Variants in TRA2A observed in about 807,000 individuals in gnomAD.
The protein encoded by TRA2A is transformer-2 protein homolog alpha.
TRA2A carries 31 observed loss-of-function variants against 45.7 expected under a neutral mutation model. The observed-to-expected ratio is 0.68, with a 90% CI of 0.51 to 0.92. The LOEUF is 0.92. Among genes scored for constraint, TRA2A ranks in the 40% least tolerant of loss-of-function variants. The pLI is 0.00. For synonymous variants in TRA2A, 132 were observed against 126.2 expected (o/e 1.05, Z -0.31); for missense variants, 304 against 367.5 (o/e 0.83, Z 1.41).
chr7:23,511,977 T>A (rs898477812), intron 4 of TRA2A, among the ~76,000 whole-genome samples: 6 of 152,226 alleles, frequency 3.9e-5, no homozygotes, highest in African/African-American at 1.4e-4. Flanking sequence ...ATCAGAATTA[T>A]TTTTTAAAAG....
chr7:23,505,299 T>A lies in TRA2A; in HGVS notation c.*260A>T. 2.7e-6 allele frequency: 1 copy of A among 370,388 alleles called. No individual in the cohort carries two copies. The allele number at this position is 370,388 out of a possible 1,614,324, so 22.9% of individuals were successfully genotyped here. A position where few individuals can be genotyped will look rare whatever the true frequency, so the allele number is the denominator to read the frequency against. ...CTAGGTAAAAGCAAAAAAAAAAATT[T>A]ACAAAGCATAACATAACATTGGGGT... On this transcript the variant is annotated 3_prime_UTR_variant, in exon 8 of 8. Transcript: ENST00000297071.
At chr7:23,524,808 T>C (rs1168441336) in intron 1 of TRA2A, among the ~76,000 whole-genome samples, 1 of 151,702 alleles carries the variant, frequency 6.6e-6, no homozygotes, top group Non-Finnish European at 1.5e-5. Context: ...TCTCCTGCCT[T>C]AGCCTCCTGA....
Position 23,507,670 on chromosome 7 carries a change from G to A in TRA2A, c.526-135C>T, listed in dbSNP as rs1789406518. On this transcript the variant is annotated intron_variant, in intron 4 of 7. Coordinates refer to ENST00000297071, the MANE Select transcript of TRA2A (RefSeq NM_013293.5). ...AAATGACAGCAATGTAGCTTGTACA[G>A]GGCATTGTATAGACAATTCTAGACC... The A allele has an allele frequency of 9.0e-6, 6 of 664,812 alleles. No individual in the cohort carries two copies. In the East Asian group the frequency reaches 1.3e-4, roughly 14 times the overall value. 41.2% of individuals were successfully genotyped at this position (664,812 alleles called of 1,614,324 possible).
intron 4 of TRA2A, among the ~76,000 whole-genome samples, chr7:23,507,763 A>G (rs764434893): frequency 4.6e-5 from 7 of 152,292 alleles, no homozygotes; most frequent in Non-Finnish European, 7.3e-5. Flanking sequence ...TTCCCAAATA[A>G]TTTTCCAGTT....
intron 2 of TRA2A, 70 bp from the exon 3 acceptor site, chr7:23,516,598 G>T: frequency 7.2e-7 from 1 of 1,397,932 alleles, no homozygotes; most frequent in Non-Finnish European, 1.0e-6. Flanking sequence ...CTTCCAAGAA[G>T]GTATACATAT....
At chr7:23,515,223 C>CTTTTT (rs767953060) in intron 3 of TRA2A, among the ~76,000 whole-genome samples, 156 of 96,748 alleles carry the variant, frequency 1.6e-3, no homozygotes, top group Non-Finnish European at 1.8e-3. Flanking sequence ...GAACATATTT[C>CTTTTT]TTTTTTTTTT....
chr7:23,505,431 A>G lies in TRA2A; in HGVS notation c.*128T>C, dbSNP rs757972989. On this transcript the variant is annotated 3_prime_UTR_variant, in exon 8 of 8. Coordinates refer to ENST00000297071, the MANE Select transcript of TRA2A (RefSeq NM_013293.5). ...AGCAACACAACTGACAAAAGTGTAG[A>G]TGCTAAATAAACCAAAGTTTTTTTC... 2.1e-4 allele frequency: 110 copies of G among 530,080 alleles called. No homozygotes were observed. The highest frequency in any genetic ancestry group is 1.2e-4 in the Non-Finnish European group (36 of 296,110). The allele number at this position is 530,080 out of a possible 1,614,324, so 32.8% of individuals were successfully genotyped here.
At position 23,516,370 on chromosome 7, in the gene TRA2A, C is replaced by A; in HGVS notation, c.329G>T (p.Gly110Val). The A allele has an allele frequency of 6.2e-7, 1 of 1,614,176 alleles. No individual in the cohort carries two copies. Among genetic ancestry groups the A allele is most frequent in the Non-Finnish European group, 8.5e-7 (1 of 1,180,026 alleles). The change falls in exon 3 of 8, where the codon GGC becomes GTC. Residue 110 changes from glycine (G) to valine (V), a missense_variant. Gly to Val is a moderately radical substitution (Grantham distance 109). Around this residue, in one of 3 missense-constraint regions of TRA2A, gnomAD observed 130 missense variants for 217.1 expected, o/e 0.60. Coordinates refer to ENST00000297071, the MANE Select transcript of TRA2A (RefSeq NM_013293.5). ...CTTTTATAAACCACGTACCCTGCTGCCAGTATGTCTTCTCCGGTTAGACAT... is the reference window on the plus strand; with the variant it reads ...CTTTTATAAACCACGTACCCTGCTGACAGTATGTCTTCTCCGGTTAGACAT... ...SPMSNRRRHT[G>V]SRANPDPNTC...
Position 23,531,855 on chromosome 7 carries a change from G to T in TRA2A, c.-31C>A, listed in dbSNP as rs755685869. On this transcript the variant is annotated 5_prime_UTR_variant, in exon 1 of 8. Coordinates refer to ENST00000297071, the MANE Select transcript of TRA2A (RefSeq NM_013293.5). The stretch of plus-strand genomic sequence containing the variant: ...CGAGGCGCTCCCCAGAACTAAATAA[G>T]AGACAAGTCTCGGCTCGAGGGCCGA... 6.2e-7 allele frequency: 1 copy of T among 1,613,278 alleles called. No homozygotes were observed. The highest frequency in any genetic ancestry group is 8.5e-7 in the Non-Finnish European group (1 of 1,179,914).
intron 1 of TRA2A, among the ~76,000 whole-genome samples, chr7:23,528,759 C>A (rs1384745263): frequency 6.6e-6 from 1 of 151,772 alleles, no homozygotes; most frequent in Non-Finnish European, 1.5e-5. Context: ...CCTCTGCCTC[C>A]CGGGTTTAAG....
chr7:23,522,113 A>T, intron 1 of TRA2A: 1 of 1,282,738 alleles, frequency 7.8e-7, no homozygotes, highest in South Asian at 1.7e-5. Flanking sequence ...CTGGAACATA[A>T]ACCATACATT....
At chr7:23,511,401 A>AAAAAAAAAAG (rs1789608716) in intron 4 of TRA2A, among the ~76,000 whole-genome samples, 1 of 44,314 alleles carries the variant, frequency 2.3e-5, no homozygotes, top group Non-Finnish European at 4.8e-5. Context: ...AAAAAAAAAA[A>AAAAAAAAAAG]AAAAAAAAAG....
rs1790604668 is a variant in TRA2A at position 23,531,907 on chromosome 7, C to A, written c.-83G>T. Reference sequence around the variant, plus strand: ...GGCCTAATTAACCCGCTGACTGGACCGTGGGGAAGAGGAAAGAGTCGGCAA... The same window carrying A: ...GGCCTAATTAACCCGCTGACTGGACAGTGGGGAAGAGGAAAGAGTCGGCAA... On this transcript the variant is annotated 5_prime_UTR_variant, in exon 1 of 8. Transcript: ENST00000297071. The A allele has an allele frequency of 6.6e-7, 1 of 1,504,120 alleles. No homozygotes were observed. Among genetic ancestry groups the A allele is most frequent in the African/African-American group, 1.4e-5 (1 of 72,812 alleles). 93.2% of individuals were successfully genotyped at this position (1,504,120 alleles called of 1,614,324 possible). A position where few individuals can be genotyped will look rare whatever the true frequency, so the allele number is the denominator to read the frequency against.
chr7:23,516,607 A>G (rs2127995672), intron 2 of TRA2A, 79 bp from the exon 3 acceptor site: 4 of 1,303,034 alleles, frequency 3.1e-6, no homozygotes, highest in Non-Finnish European at 4.4e-6. Flanking sequence ...AGGTATACAT[A>G]TATCCCTAAC....
intron 2 of TRA2A, among the ~76,000 whole-genome samples, chr7:23,517,709 C>T (rs996969929): frequency 3.3e-5 from 5 of 150,812 alleles, no homozygotes; most frequent in African/African-American, 9.7e-5. Flanking sequence ...GTCAAGAGAT[C>T]GAGACCATCC....
intron 2 of TRA2A, among the ~76,000 whole-genome samples, chr7:23,520,712 AG>A (rs1284709974): frequency 1.3e-3 from 195 of 147,742 alleles, no homozygotes; most frequent in African/African-American, 4.6e-3. Context: ...TTTTTTAAAA[AG>A]AAAGAGTCTC....
At chr7:23,511,902 T>G (rs562927957) in intron 4 of TRA2A, among the ~76,000 whole-genome samples, 1 of 152,244 alleles carries the variant, frequency 6.6e-6, no homozygotes, top group African/African-American at 2.4e-5. Flanking sequence ...AATGAACATT[T>G]AGAGAATAGA....
chr7:23,526,592 GA>G (rs1160198874), intron 1 of TRA2A, among the ~76,000 whole-genome samples: 1 of 152,098 alleles, frequency 6.6e-6, no homozygotes, highest in Non-Finnish European at 1.5e-5. Flanking sequence ...TCAGCCTATA[GA>G]AAGAACAACA....
chr7:23,518,653 C>T (rs182896189), intron 2 of TRA2A, among the ~76,000 whole-genome samples: 1 of 149,652 alleles, frequency 6.7e-6, no homozygotes, highest in East Asian at 2.0e-4. Flanking sequence ...AAACTGGTAA[C>T]ATTTCTGAGT....
Sources: allele counts gnomAD v4.1 joint callset (sites outside exome capture counted in the v4.1 genomes callset), GRCh38; gene constraint gnomAD v4.1.1; regional missense constraint gnomAD v4.1.1; transcripts MANE v1.5; gene names NCBI Gene and HGNC (gene_info 2026-07-23, HGNC 2026-07-21).